PDGFC: variants seen among roughly 807,000 people sequenced by gnomAD.
The protein encoded by PDGFC is platelet-derived growth factor C.
A neutral mutation model predicts 35.5 loss-of-function variants in PDGFC; 12 were observed. That is an observed-to-expected ratio of 0.34 (90% CI 0.22 to 0.55). The LOEUF (loss-of-function observed/expected upper bound fraction) is 0.55. Among genes scored for constraint, PDGFC ranks in the 20% least tolerant of loss-of-function variants. The pLI, the probability that PDGFC is intolerant of heterozygous loss-of-function variation, is 0.91. For missense variants in PDGFC, 322 were observed against 412.4 expected (o/e 0.78, Z 1.90); for synonymous variants, 159 against 148.8 (o/e 1.07, Z -0.50).
At chr4:156,851,686 G>T (rs1368454741) in intron 1 of PDGFC, among the ~76,000 whole-genome samples, 1 of 152,128 alleles carries the variant, frequency 6.6e-6, no homozygotes, top group Non-Finnish European at 1.5e-5. Flanking sequence ...GCTCACGCCT[G>T]TAATCCCAGC....
At chr4:156,801,184 G>C (rs1229341412) in intron 3 of PDGFC, among the ~76,000 whole-genome samples, 1 of 152,038 alleles carries the variant, frequency 6.6e-6, no homozygotes, top group Non-Finnish European at 1.5e-5. Flanking sequence ...CCCAGAAGCA[G>C]AGTCAGGGTA....
chr4:156,952,440 G>GT (rs1245839244), intron 1 of PDGFC, among the ~76,000 whole-genome samples: 1 of 151,736 alleles, frequency 6.6e-6, no homozygotes, highest in Non-Finnish European at 1.5e-5. Flanking sequence ...AAAGTGTGGA[G>GT]TTTTTTTGTT....
At chr4:156,932,344 C>T (rs1028123093) in intron 1 of PDGFC, among the ~76,000 whole-genome samples, 17 of 152,180 alleles carry the variant, frequency 1.1e-4, no homozygotes, top group Middle Eastern at 3.4e-3. Flanking sequence ...TCTTCCTACC[C>T]GTGAGCATGG....
chr4:156,857,660 T>A (rs1729614229), intron 1 of PDGFC, among the ~76,000 whole-genome samples: 1 of 152,032 alleles, frequency 6.6e-6, no homozygotes, highest in South Asian at 2.1e-4. Flanking sequence ...AACACCACAA[T>A]GAAGTAGCCA....
chr4:156,819,853 T>G (rs1353479517), intron 2 of PDGFC, among the ~76,000 whole-genome samples: 1 of 152,230 alleles, frequency 6.6e-6, no homozygotes, highest in East Asian at 1.9e-4. Context: ...CTGGAAAGGA[T>G]TCACCATTCT....
rs1730241832 is a variant in PDGFC, at chr4:156,881,542, G to T, written c.119-31126C>A. 2.0e-5 allele frequency among the ~76,000 whole-genome samples: 3 copies of T among 152,214 alleles called. No homozygotes were observed. In the South Asian group the frequency reaches 6.2e-4, roughly 32 times the overall value. On this transcript the variant is annotated intron_variant, in intron 1 of 5. Coordinates refer to ENST00000502773, the MANE Select transcript of PDGFC (RefSeq NM_016205.3). ...CTTTCCTGTGGTGTTCTCATGATAA[G>T]CAATAACTCTCACAAGATCTGATGG... is the stretch of plus-strand genomic sequence containing the variant.
rs565531965 is a variant in PDGFC, at chr4:156,825,551, A to AAATAAT, written c.315-14540_315-14535dup. On this transcript the variant is annotated intron_variant, in intron 2 of 5. Transcript: ENST00000502773. ...TCTGACAGAGCAACACCCTGTCTCC[A>AAATAAT]AATAATAATAATAATAATAATAATA... Among the ~76,000 whole-genome samples the AAATAAT allele has an allele frequency of 7.6e-3, 712 of 93,900 alleles. 7 individuals are homozygous for AAATAAT. The highest frequency in any genetic ancestry group is 0.011 in the Middle Eastern group (2 of 186). The allele number at this position is 93,900 out of a possible 152,430, so 61.6% of individuals were successfully genotyped here.
rs143362539 is a variant in PDGFC at position 156,831,137 on chromosome 4, G to A, written c.314+19084C>T. ...GATGGATAGACAGAGGAGTGAATTC[G>A]CACATACATAATAGAGTAACATACA... On this transcript the variant is annotated intron_variant, in intron 2 of 5. Coordinates refer to ENST00000502773, the MANE Select transcript of PDGFC (RefSeq NM_016205.3). Among the ~76,000 whole-genome samples, 146 of 152,198 alleles carry A rather than the reference G, an allele frequency of 9.6e-4. 1 individual carries two copies. The highest frequency in any genetic ancestry group is 4.1e-4 in the Non-Finnish European group (28 of 68,008).
chr4:156,874,626 A>T (rs1286521697), intron 1 of PDGFC, among the ~76,000 whole-genome samples: 1 of 152,208 alleles, frequency 6.6e-6, no homozygotes, highest in Non-Finnish European at 1.5e-5. Flanking sequence ...ACACTTGAGA[A>T]AAAGGAAAGA....
chr4:156,851,855 C>G (rs1413344158), intron 1 of PDGFC, among the ~76,000 whole-genome samples: 1 of 143,672 alleles, frequency 7.0e-6, no homozygotes, highest in Admixed American at 7.5e-5. Context: ...GGTGTGAACC[C>G]AGAAGGCGGA....
rs577476798 is a variant in PDGFC at position 156,881,684 on chromosome 4, G to A, written c.119-31268C>T. On this transcript the variant is annotated intron_variant, in intron 1 of 5. Transcript: ENST00000502773. The stretch of plus-strand genomic sequence containing the variant: ...TGTCTCTACTAAAAATACAAAATTA[G>A]TGGGGCATGCTGGCATGTGCCTGTA... Among the ~76,000 whole-genome samples the A allele has an allele frequency of 2.0e-5, 3 of 152,056 alleles. No individual in the cohort carries two copies. The South Asian group carries it at 6.2e-4, about 32-fold the overall frequency.
rs572781362 is a variant in PDGFC at position 156,790,739 on chromosome 4, T to C, written c.496-17846A>G. 7.9e-5 allele frequency among the ~76,000 whole-genome samples: 12 copies of C among 152,308 alleles called. No individual in the cohort carries two copies. The East Asian group carries it at 2.3e-3, about 29-fold the overall frequency. On this transcript the variant is annotated intron_variant, in intron 3 of 5. Transcript: ENST00000502773. ...TATTGAGATTTTTTCATCCTAATTATTCACTAAACATGTTTGTGCATGTGA... is the reference window on the plus strand; with the variant it reads ...TATTGAGATTTTTTCATCCTAATTACTCACTAAACATGTTTGTGCATGTGA...
chr4:156,815,464 T>A (rs1445364909), intron 2 of PDGFC, among the ~76,000 whole-genome samples: 1 of 152,104 alleles, frequency 6.6e-6, no homozygotes, highest in East Asian at 1.9e-4. Context: ...TCGTCTGCTT[T>A]AACAACTTGA....
At position 156,760,570 on chromosome 4, in the gene PDGFC, C is replaced by G. The variant is rs1344038606; in HGVS notation, c.*2520G>C. 6.6e-6 allele frequency: 1 copy of G among 152,038 alleles called. No individual in the cohort carries two copies. The highest frequency in any genetic ancestry group is 2.4e-5 in the African/African-American group (1 of 41,380). The allele number at this position is 152,038 out of a possible 1,614,324, so 9.4% of individuals were successfully genotyped here. On this transcript the variant is annotated 3_prime_UTR_variant, in exon 6 of 6. Coordinates refer to ENST00000502773, the MANE Select transcript of PDGFC (RefSeq NM_016205.3). ...CAAAACGGTGTGTGGTCAATACAGT[C>G]AATACTTACTGTACTTCTCAGAAAT... is the stretch of plus-strand genomic sequence containing the variant.
intron 2 of PDGFC, among the ~76,000 whole-genome samples, chr4:156,813,470 G>A (rs1177950453): frequency 6.6e-6 from 1 of 152,038 alleles, no homozygotes; most frequent in Non-Finnish European, 1.5e-5. Context: ...ACAGTGAGAT[G>A]AAGGTCAGCT....
At chr4:156,902,164 T>C (rs916916299) in intron 1 of PDGFC, among the ~76,000 whole-genome samples, 3 of 152,192 alleles carry the variant, frequency 2.0e-5, no homozygotes. Context: ...TCCTGACTAC[T>C]TATTGAGCTT....
intron 1 of PDGFC, among the ~76,000 whole-genome samples, chr4:156,934,805 T>C (rs1161580116): frequency 1.3e-5 from 2 of 152,140 alleles, no homozygotes; most frequent in East Asian, 1.9e-4. Flanking sequence ...ACACACCCAT[T>C]AGCCAAGGCC....
intron 1 of PDGFC, among the ~76,000 whole-genome samples, chr4:156,897,723 CT>C (rs1258232805): frequency 6.6e-6 from 1 of 152,112 alleles, no homozygotes; most frequent in Non-Finnish European, 1.5e-5. Flanking sequence ...ATTATTTCAA[CT>C]TTTAGAGATT....
rs1038053366 is a variant in PDGFC, at chr4:156,874,716, T to C, written c.119-24300A>G. Among the ~76,000 whole-genome samples the C allele has an allele frequency of 3.9e-5, 6 of 151,974 alleles. 1 individual carries two copies. The highest frequency in any genetic ancestry group is 3.9e-4 in the Admixed American group (6 of 15,252). On this transcript the variant is annotated intron_variant, in intron 1 of 5. Transcript: ENST00000502773. The stretch of plus-strand genomic sequence containing the variant: ...AAAAGACTAAATACATTTTCTCTTT[T>C]TTTAATTTTTTTTTTTTAAATACAG...
Sources: gnomAD v4.1 joint callset for allele counts (sites outside exome capture counted in the v4.1 genomes callset) on GRCh38, gnomAD v4.1.1 for gene constraint, MANE v1.5 for transcripts, NCBI Gene and HGNC (gene_info 2026-07-23, HGNC 2026-07-21) for gene names.